CFAP20DC: variants seen among roughly 807,000 people sequenced by gnomAD.
CFAP20DC encodes the protein protein CFAP20DC.
Under a neutral mutation model 101.7 loss-of-function variants are expected in CFAP20DC, and 84 were observed. The observed-to-expected ratio is 0.83, with a 90% CI of 0.69 to 0.99. The LOEUF is 0.99. Among genes scored for constraint, CFAP20DC ranks in the 50% least tolerant of loss-of-function variants. CFAP20DC has a pLI of 0.00. For missense variants in CFAP20DC, 1,007 were observed against 970.3 expected (o/e 1.04, Z -0.50); for synonymous variants, 359 against 351.2 (o/e 1.02, Z -0.25).
intron 16 of CFAP20DC, among the ~76,000 whole-genome samples, chr3:58,744,479 T>C (rs1369033507): frequency 2.0e-5 from 3 of 152,200 alleles, no homozygotes; most frequent in Admixed American, 6.5e-5. Context: ...AAAAGTGTCC[T>C]ACATTTTAAT....
rs148181662 is a variant in CFAP20DC, at chr3:58,811,759, T to C, written c.2176-5303A>G. 3.5e-3 allele frequency among the ~76,000 whole-genome samples: 535 copies of C among 151,820 alleles called. 5 individuals carry two copies. The highest frequency in any genetic ancestry group is 0.012 in the African/African-American group (507 of 41,382). ...ATAGCAAAAGAAACTACCATCAGAGTGAACAGACAACCTACAAAATGGGAG... is the reference window on the plus strand; with the variant it reads ...ATAGCAAAAGAAACTACCATCAGAGCGAACAGACAACCTACAAAATGGGAG... On this transcript the variant is annotated intron_variant, in intron 14 of 16. Coordinates refer to ENST00000482387, the MANE Select transcript of CFAP20DC (RefSeq NM_001394063.1).
At chr3:59,020,344 C>T (rs2093778174) in intron 4 of CFAP20DC, among the ~76,000 whole-genome samples, 1 of 151,850 alleles carries the variant, frequency 6.6e-6, no homozygotes, top group Non-Finnish European at 1.5e-5. Context: ...ATCTTATAGA[C>T]ATAACATTTT....
intron 7 of CFAP20DC, among the ~76,000 whole-genome samples, chr3:58,871,187 G>C (rs1309128485): frequency 2.0e-5 from 3 of 152,092 alleles, no homozygotes; most frequent in African/African-American, 4.8e-5. Flanking sequence ...TCAAGAATAA[G>C]AGATGTAGGA....
At chr3:58,953,268 C>G (rs910303870) in intron 4 of CFAP20DC, among the ~76,000 whole-genome samples, 12 of 152,150 alleles carry the variant, frequency 7.9e-5, no homozygotes. Flanking sequence ...TCAACGTAAT[C>G]CAACACATTT....
At chr3:58,848,372 G>C (rs2077913223) in intron 13 of CFAP20DC, among the ~76,000 whole-genome samples, 1 of 152,086 alleles carries the variant, frequency 6.6e-6, no homozygotes. Context: ...ATGAAACATA[G>C]AGAAAATCTT....
At chr3:58,979,691 T>C (rs993970184) in intron 4 of CFAP20DC, among the ~76,000 whole-genome samples, 4 of 152,246 alleles carry the variant, frequency 2.6e-5, no homozygotes, top group Admixed American at 2.6e-4. Context: ...AACTACGAAC[T>C]GGCTGAATTT....
chr3:58,946,732 GA>G (rs2089420327), intron 4 of CFAP20DC, among the ~76,000 whole-genome samples: 1 of 152,134 alleles, frequency 6.6e-6, no homozygotes, highest in Non-Finnish European at 1.5e-5. Flanking sequence ...AGGAAGAGAG[GA>G]AACGCAGAAG....
intron 14 of CFAP20DC, among the ~76,000 whole-genome samples, chr3:58,818,852 C>G (rs1229780987): frequency 7.6e-6 from 1 of 132,014 alleles, no homozygotes; most frequent in African/African-American, 2.9e-5. Context: ...TTTTCAGCAC[C>G]ACACCACACC....
intron 15 of CFAP20DC, among the ~76,000 whole-genome samples, chr3:58,760,335 T>C (rs1029718923): frequency 6.6e-6 from 1 of 152,210 alleles, no homozygotes; most frequent in African/African-American, 2.4e-5. Flanking sequence ...GCTCTCTGTT[T>C]GTCTGTTATT....
chr3:58,787,743 C>T (rs1204592096), intron 15 of CFAP20DC, among the ~76,000 whole-genome samples: 3 of 152,160 alleles, frequency 2.0e-5, no homozygotes, highest in Non-Finnish European at 2.9e-5. Flanking sequence ...AACTCAAATG[C>T]CCATCAATGA....
chr3:58,930,890 T>C (rs2086560064), intron 5 of CFAP20DC, among the ~76,000 whole-genome samples: 1 of 152,140 alleles, frequency 6.6e-6, no homozygotes, highest in Non-Finnish European at 1.5e-5. Context: ...ACCGGGTTCA[T>C]CTCACTAGGG....
chr3:58,821,270 C>T (rs570204414), intron 14 of CFAP20DC, among the ~76,000 whole-genome samples: 1 of 152,224 alleles, frequency 6.6e-6, no homozygotes, highest in Non-Finnish European at 1.5e-5. Flanking sequence ...AAAGCAATGG[C>T]AACAAAAGAC....
intron 7 of CFAP20DC, among the ~76,000 whole-genome samples, chr3:58,872,129 G>GC (rs1354930994): frequency 6.6e-6 from 1 of 152,142 alleles, no homozygotes; most frequent in Non-Finnish European, 1.5e-5. Flanking sequence ...TGAAAACACT[G>GC]CCCATTACCT....
intron 5 of CFAP20DC, among the ~76,000 whole-genome samples, chr3:58,925,512 C>G (rs563552729): frequency 8.0e-4 from 122 of 152,264 alleles, no homozygotes; most frequent in Non-Finnish European, 1.5e-3. Context: ...GGAACTCGAT[C>G]AATATTTGCT....
Position 58,742,396 on chromosome 3 carries a change from A to T in CFAP20DC, c.*64T>A. 5.5e-6 allele frequency: 8 copies of T among 1,444,396 alleles called. No homozygotes were observed. The South Asian group carries it at 8.3e-5, about 15-fold the overall frequency. 89.5% of individuals were successfully genotyped at this position (1,444,396 alleles called of 1,614,324 possible). On this transcript the variant is annotated 3_prime_UTR_variant, in exon 17 of 17. Coordinates refer to ENST00000482387, the MANE Select transcript of CFAP20DC (RefSeq NM_001394063.1). ...ACACATAAGTTGTGGTGACTCCTTA[A>T]GCGACCCTGAACTGCTATTCTGCTC...
chr3:58,789,825 GA>G (rs1387333084), intron 15 of CFAP20DC, among the ~76,000 whole-genome samples: 1 of 152,012 alleles, frequency 6.6e-6, no homozygotes, highest in African/African-American at 2.4e-5. Context: ...TCCCAGGAAG[GA>G]AATAATTTAC....
intron 4 of CFAP20DC, among the ~76,000 whole-genome samples, chr3:58,997,134 C>A (rs554046769): frequency 6.8e-4 from 104 of 152,318 alleles, no homozygotes; most frequent in African/African-American, 2.4e-3. Flanking sequence ...CTGTCTTTAG[C>A]TGAACTAAGG....
At chr3:59,022,575 T>C (rs2093822486) in intron 4 of CFAP20DC, among the ~76,000 whole-genome samples, 1 of 151,752 alleles carries the variant, frequency 6.6e-6, no homozygotes, top group Non-Finnish European at 1.5e-5. Context: ...CATTTAACCT[T>C]AAAAAAAAGA....
At chr3:59,022,116 G>C (rs1212989061) in intron 4 of CFAP20DC, among the ~76,000 whole-genome samples, 1 of 152,070 alleles carries the variant, frequency 6.6e-6, no homozygotes. Flanking sequence ...TTCTGCATTT[G>C]AGAGTCCAAA....
Sources: allele counts gnomAD v4.1 joint callset (sites outside exome capture counted in the v4.1 genomes callset), GRCh38; gene constraint gnomAD v4.1.1; transcripts MANE v1.5; gene names NCBI Gene and HGNC (gene_info 2026-07-23, HGNC 2026-07-21).